Variants in INPP4B observed in about 807,000 individuals in gnomAD.
INPP4B encodes the protein inositol polyphosphate-4-phosphatase type II B.
Under a neutral mutation model 122.5 loss-of-function variants are expected in INPP4B, and 55 were observed. The observed-to-expected ratio is 0.45, with a 90% confidence interval of 0.36 to 0.56. INPP4B has a LOEUF of 0.56. Ranked by LOEUF, INPP4B falls within the 20% of genes least tolerant of loss-of-function variation. INPP4B has a pLI of 0.00. For missense variants in INPP4B, 1,000 were observed against 1,097.7 expected (o/e 0.91, Z 1.26); for synonymous variants, 403 against 388.7 (o/e 1.04, Z -0.43).
At chr4:142,564,192 T>TG (rs1731084421) in intron 2 of INPP4B, among the ~76,000 whole-genome samples, 1 of 152,070 alleles carries the variant, frequency 6.6e-6, no homozygotes, top group Non-Finnish European at 1.5e-5. Context: ...CATAGTCCTT[T>TG]GGGGAAACAG....
At chr4:142,820,574 A>G (rs1000408867) in intron 1 of INPP4B, among the ~76,000 whole-genome samples, 1 of 152,138 alleles carries the variant, frequency 6.6e-6, no homozygotes, top group African/African-American at 2.4e-5. Context: ...ATATCAACAC[A>G]AAATGGACTA....
chr4:142,663,490 T>C (rs776444139), intron 2 of INPP4B, among the ~76,000 whole-genome samples: 1 of 152,110 alleles, frequency 6.6e-6, no homozygotes, highest in African/African-American at 2.4e-5. Flanking sequence ...AAGAATTAAA[T>C]GGATGACATC....
At chr4:142,712,691 G>C (rs1266168718) in intron 2 of INPP4B, among the ~76,000 whole-genome samples, 1 of 152,016 alleles carries the variant, frequency 6.6e-6, no homozygotes, top group Admixed American at 6.6e-5. Flanking sequence ...AGACATATTT[G>C]TTACCATATA....
At chr4:142,435,380 A>AT (rs1810214081) in intron 3 of INPP4B, among the ~76,000 whole-genome samples, 1 of 146,298 alleles carries the variant, frequency 6.8e-6, no homozygotes, top group Non-Finnish European at 1.5e-5. Context: ...CACAAATTTA[A>AT]TTTTTTTCTA....
chr4:142,028,542 A>C lies in INPP4B; in HGVS notation c.*240T>G. The stretch of plus-strand genomic sequence containing the variant: ...GAACCAATCTCAATCAGCTAGGCTC[A>C]ACACATAGAAGCTTAGAACTAGAAA... On this transcript the variant is annotated 3_prime_UTR_variant, in exon 26 of 26. Transcript: ENST00000262992. The C allele has an allele frequency of 2.1e-6, 1 of 475,902 alleles. No individual in the cohort carries two copies. Among genetic ancestry groups the C allele is most frequent in the Admixed American group, 3.8e-5 (1 of 26,148 alleles). 29.5% of individuals were successfully genotyped at this position (475,902 alleles called of 1,614,324 possible).
chr4:142,263,934 G>T (rs1741524163), intron 10 of INPP4B, among the ~76,000 whole-genome samples: 1 of 151,838 alleles, frequency 6.6e-6, no homozygotes. Flanking sequence ...GGAACAACAA[G>T]GAAGACAATG....
intron 21 of INPP4B, among the ~76,000 whole-genome samples, chr4:142,120,620 T>C (rs1418725023): frequency 6.6e-6 from 1 of 152,066 alleles, no homozygotes; most frequent in African/African-American, 2.4e-5. Flanking sequence ...TTCTGACAAC[T>C]TTCAGGACTG....
At chr4:142,784,608 G>C (rs1188928818) in intron 1 of INPP4B, among the ~76,000 whole-genome samples, 1 of 152,018 alleles carries the variant, frequency 6.6e-6, no homozygotes, top group African/African-American at 2.4e-5. Flanking sequence ...GAGGATACAT[G>C]CAGGTTAGCT....
intron 25 of INPP4B, chr4:142,029,868 C>T (rs1195510163): frequency 1.4e-5 from 15 of 1,103,872 alleles, no homozygotes; most frequent in Non-Finnish European, 1.7e-5. Flanking sequence ...TGTTCTTTGT[C>T]TTATTCCAAA....
chr4:142,657,076 C>A (rs906220999), intron 2 of INPP4B, among the ~76,000 whole-genome samples: 1 of 152,144 alleles, frequency 6.6e-6, no homozygotes, highest in Non-Finnish European at 1.5e-5. Flanking sequence ...GTTTTCCTAG[C>A]CCTGTCTCTT....
At chr4:142,472,366 A>C (rs1406754357) in intron 2 of INPP4B, among the ~76,000 whole-genome samples, 1 of 151,786 alleles carries the variant, frequency 6.6e-6, no homozygotes, top group Non-Finnish European at 1.5e-5. Flanking sequence ...CCCATCTGCT[A>C]TTTCAATTAC....
intron 2 of INPP4B, among the ~76,000 whole-genome samples, chr4:142,634,796 T>C (rs1748730150): frequency 6.6e-6 from 1 of 152,010 alleles, no homozygotes; most frequent in Admixed American, 6.6e-5. Context: ...ATCAATATTA[T>C]AGTGGAGGTT....
intron 2 of INPP4B, among the ~76,000 whole-genome samples, chr4:142,581,910 G>A (rs1735170115): frequency 1.3e-5 from 2 of 151,982 alleles, no homozygotes; most frequent in African/African-American, 4.8e-5. Flanking sequence ...GCATGAGAGA[G>A]GCTCACAATC....
intron 2 of INPP4B, among the ~76,000 whole-genome samples, chr4:142,485,699 C>G (rs1360097379): frequency 6.6e-6 from 1 of 152,234 alleles, no homozygotes; most frequent in African/African-American, 2.4e-5. Flanking sequence ...ACAAATGTGA[C>G]TCTAAGCTAT....
At chr4:142,567,411 C>A (rs1731855148) in intron 2 of INPP4B, among the ~76,000 whole-genome samples, 1 of 152,072 alleles carries the variant, frequency 6.6e-6, no homozygotes, top group Non-Finnish European at 1.5e-5. Context: ...TCCAGTAGTT[C>A]CCTCCCAGTG....
chr4:142,086,464 C>T (rs1776830077), intron 23 of INPP4B, among the ~76,000 whole-genome samples: 1 of 152,126 alleles, frequency 6.6e-6, no homozygotes, highest in Non-Finnish European at 1.5e-5. Flanking sequence ...AGTGATCCTC[C>T]CACCTCAGTG....
chr4:142,081,898 A>G (rs1287976893), intron 25 of INPP4B, 133 bp downstream of exon 25: 1 of 512,636 alleles, frequency 2.0e-6, no homozygotes, highest in African/African-American at 1.9e-5. Flanking sequence ...TGATGTCATA[A>G]GCTATAAGCC....
intron 3 of INPP4B, among the ~76,000 whole-genome samples, chr4:142,453,632 C>T (rs899008273): frequency 6.6e-6 from 1 of 152,082 alleles, no homozygotes; most frequent in African/African-American, 2.4e-5. Context: ...TATAATATGA[C>T]ATAACTAACT....
chr4:142,425,972 T>C (rs1807968132), intron 5 of INPP4B, among the ~76,000 whole-genome samples: 2 of 152,012 alleles, frequency 1.3e-5, no homozygotes, highest in Admixed American at 1.3e-4. Flanking sequence ...GCATTGAGTA[T>C]TAGCCATCAA....
Sources: gnomAD v4.1 joint callset for allele counts (sites outside exome capture counted in the v4.1 genomes callset) on GRCh38, gnomAD v4.1.1 for gene constraint, MANE v1.5 for transcripts, NCBI Gene and HGNC (gene_info 2026-07-23, HGNC 2026-07-21) for gene names.